The following ADCY5 variants were observed in gnomAD, a reference collection of about 807,000 sequenced individuals.
The protein encoded by ADCY5 is adenylate cyclase 5, also known as adenylate cyclase type 5.
In ADCY5, 30 loss-of-function variants were observed where a neutral mutation model predicts 119.7. The ratio of observed to expected loss-of-function variants is 0.25; its 90% CI spans 0.19 to 0.34. The LOEUF is 0.34. Among genes scored for constraint, ADCY5 ranks in the 10% least tolerant of loss-of-function variants. The probability of loss-of-function intolerance (pLI) is 1.00; values close to 1 mark genes in which losing one functional copy is unlikely to be tolerated. For missense variants in ADCY5, 1,324 were observed against 1,775.2 expected, an observed-to-expected ratio of 0.75 and a Z score of 4.57; for synonymous variants, 753 against 762.2, an observed-to-expected ratio of 0.99 and a Z score of 0.20.
At chr3:123,358,068 C>T (rs901947141) in intron 1 of ADCY5, among the ~76,000 whole-genome samples, 27 of 152,154 alleles carry the variant, frequency 1.8e-4, no homozygotes, top group African/African-American at 6.3e-4. Context: ...CTTGAGGCTT[C>T]ACAACAGCAG....
At chr3:123,419,274 G>A (rs1316456710) in intron 1 of ADCY5, 3 of 934,644 alleles carry the variant, frequency 3.2e-6, no homozygotes, top group Non-Finnish European at 3.8e-6. Context: ...GGCCAGGGAA[G>A]TGCCGTCCGC....
intron 8 of ADCY5, among the ~76,000 whole-genome samples, chr3:123,324,755 G>A (rs1379585374): frequency 2.6e-5 from 4 of 152,188 alleles, no homozygotes; most frequent in South Asian, 4.1e-4. Flanking sequence ...TGGCCTCCCC[G>A]ACTTGCTCAG....
Position 123,300,236 on chromosome 3 carries a change from G to A in ADCY5, c.2784C>T (p.Ser928=), listed in dbSNP as rs749913290. Residue 928 remains serine, a synonymous_variant, in exon 15 of 21, where the codon AGC becomes AGT. Transcript: ENST00000462833. The part of the protein sequence containing the change: ...LLACSVFLQI[S]CIGKLVLMLA... ...GCATGAGCACCAGCTTCCCGATGCA[G>A]CTGATCTGCAGGAACACGGAGCAGG... The A allele has an allele frequency of 6.2e-6, 10 of 1,613,672 alleles. No individual in the cohort carries two copies. In the East Asian group the frequency reaches 2.2e-4, roughly 36 times the overall value.
Position 123,448,247 on chromosome 3 carries a change from T to C in ADCY5, c.299A>G (p.Lys100Arg). Reference protein sequence around the residue: ...AGGFGFSFRSKSAWQERGGDD... With the variant: ...AGGFGFSFRSRSAWQERGGDD... ...GCCGCCGCGCTCCTGCCAGGCGGACTTGGAGCGGAAGCTGAAGCCGAAGCC... is the reference window on the plus strand; with the variant it reads ...GCCGCCGCGCTCCTGCCAGGCGGACCTGGAGCGGAAGCTGAAGCCGAAGCC... The change falls in exon 1 of 21, where the codon AAG becomes AGG. Residue 100 changes from lysine to arginine, a missense_variant. Lys to Arg is a conservative substitution (Grantham distance 26, BLOSUM62 2). Transcript: ENST00000462833. The C allele has an allele frequency of 6.7e-7, 1 of 1,486,508 alleles. No individual in the cohort carries two copies. Among genetic ancestry groups the C allele is most frequent in the Non-Finnish European group, 8.9e-7 (1 of 1,124,804 alleles). The allele number at this position is 1,486,508 out of a possible 1,614,324, so 92.1% of individuals were successfully genotyped here. A position where few individuals can be genotyped will look rare whatever the true frequency, so the allele number is the denominator to read the frequency against.
intron 7 of ADCY5, among the ~76,000 whole-genome samples, chr3:123,326,775 T>C (rs1941510171): frequency 6.6e-6 from 1 of 152,152 alleles, no homozygotes; most frequent in African/African-American, 2.4e-5. Flanking sequence ...TACTGCATGG[T>C]AGGATAAGGT....
At chr3:123,367,183 G>A (rs576825886) in intron 1 of ADCY5, among the ~76,000 whole-genome samples, 41 of 152,302 alleles carry the variant, frequency 2.7e-4, no homozygotes, top group African/African-American at 9.4e-4. Context: ...GCCAGGCACC[G>A]GCCCCCACCT....
At position 123,447,758 on chromosome 3, in the gene ADCY5, C is replaced by A. The variant is rs1020610447; in HGVS notation, c.788G>T (p.Arg263Leu). 4 of 1,605,780 alleles carry A rather than the reference C, an allele frequency of 2.5e-6. No individual in the cohort carries two copies. Among genetic ancestry groups the A allele is most frequent in the Non-Finnish European group, 2.6e-6 (3 of 1,175,088 alleles). Residue 263 changes from arginine to leucine, a missense_variant, in exon 1 of 21, where the codon CGG (arginine) becomes CTG (leucine). Coordinates refer to ENST00000462833, the MANE Select transcript of ADCY5 (RefSeq NM_183357.3). ...CLVMLAFHAA[R>L]PPLQLPYLAV... ...CAGGTAGGGCAGCTGGAGCGGGGGC[C>A]GCGCCGCGTGGAAGGCCAACATGAC... is the stretch of plus-strand genomic sequence containing the variant.
At chr3:123,410,111 C>A (rs1945005450) in intron 1 of ADCY5, among the ~76,000 whole-genome samples, 1 of 152,212 alleles carries the variant, frequency 6.6e-6, no homozygotes, top group Admixed American at 6.5e-5. Flanking sequence ...TGGATCCGGT[C>A]AACCCAGTGA....
chr3:123,290,012 G>T (rs551970884), intron 18 of ADCY5, 58 bp from the exon 19 acceptor site: 5 of 1,566,104 alleles, frequency 3.2e-6, no homozygotes, highest in Non-Finnish European at 4.4e-6. Flanking sequence ...AGGGCCACAG[G>T]GAGGGACAGA....
chr3:123,311,920 G>A (rs1940609423), intron 12 of ADCY5, among the ~76,000 whole-genome samples: 1 of 152,002 alleles, frequency 6.6e-6, no homozygotes, highest in African/African-American at 2.4e-5. Flanking sequence ...TAAAAGAACT[G>A]AGAACTTGCT....
Position 123,289,730 on chromosome 3 carries a change from C to T in ADCY5, c.3532+20G>A. 2.5e-6 allele frequency: 4 copies of T among 1,611,844 alleles called. No individual in the cohort carries two copies. Among genetic ancestry groups the T allele is most frequent in the Non-Finnish European group, 2.5e-6 (3 of 1,179,100 alleles). On this transcript the variant is annotated intron_variant, in intron 19 of 20. Coordinates refer to ENST00000462833, the MANE Select transcript of ADCY5 (RefSeq NM_183357.3). ...GCCTGACTGCACCCTGGGCTCAGCA[C>T]TCCCTGGGCCCCCACTCACCGATCT...
intron 1 of ADCY5, among the ~76,000 whole-genome samples, chr3:123,446,716 C>A (rs1945821898): frequency 6.6e-6 from 1 of 152,194 alleles, no homozygotes; most frequent in South Asian, 2.1e-4. Flanking sequence ...GGGGCACCCA[C>A]TTGAAGGGGT....
intron 1 of ADCY5, among the ~76,000 whole-genome samples, chr3:123,396,341 AAGAAAAAGAG>A (rs1259813367): frequency 6.9e-6 from 1 of 145,512 alleles, no homozygotes; most frequent in Non-Finnish European, 1.5e-5. Context: ...AAGAAAAGAG[AAGAAAAAGAG>A]AGAGAAGGGA....
chr3:123,296,242 G>A (rs531784183), intron 16 of ADCY5, 26 bp from the exon 17 acceptor site: 19 of 1,609,638 alleles, frequency 1.2e-5, no homozygotes, highest in Non-Finnish European at 1.5e-5. Context: ...GGACAGGCCT[G>A]AGACGGCCGT....
intron 1 of ADCY5, among the ~76,000 whole-genome samples, chr3:123,438,865 G>A (rs1174327787): frequency 6.6e-6 from 1 of 151,952 alleles, no homozygotes; most frequent in Non-Finnish European, 1.5e-5. Flanking sequence ...TTCCACCTCA[G>A]CCTCCCAGGT....
At chr3:123,444,245 G>A (rs758754681) in intron 1 of ADCY5, among the ~76,000 whole-genome samples, 5 of 152,108 alleles carry the variant, frequency 3.3e-5, no homozygotes, top group Admixed American at 6.5e-5. Context: ...AAACAACCCC[G>A]TGACGCTCCT....
At position 123,447,763 on chromosome 3, in the gene ADCY5, C is replaced by T; in HGVS notation, c.783G>A (p.Ala261=). ...LVCLVMLAFH[A]ARPPLQLPYL... The stretch of plus-strand genomic sequence containing the variant: ...AGGGCAGCTGGAGCGGGGGCCGCGC[C>T]GCGTGGAAGGCCAACATGACCAGGC... The change falls in exon 1 of 21, where the codon GCG becomes GCA. Residue 261 remains alanine (A), a synonymous_variant. Coordinates refer to ENST00000462833, the MANE Select transcript of ADCY5 (RefSeq NM_183357.3). The T allele has an allele frequency of 1.2e-6, 2 of 1,607,764 alleles. No homozygotes were observed. Among genetic ancestry groups the T allele is most frequent in the Non-Finnish European group, 1.7e-6 (2 of 1,176,456 alleles).
At position 123,286,834 on chromosome 3, in the gene ADCY5, A is replaced by G. The variant is rs943468765; in HGVS notation, c.3533-25T>C. 1 of 1,572,128 alleles carries G rather than the reference A, an allele frequency of 6.4e-7. No homozygotes were observed. The highest frequency in any genetic ancestry group is 8.6e-7 in the Non-Finnish European group (1 of 1,161,376). On this transcript the variant is annotated intron_variant, in intron 19 of 20. Transcript: ENST00000462833. The surrounding 1 kb of genome is among the most constrained non-coding windows in gnomAD (Gnocchi z 4.2). ...CCTGCAGGGGACAGGAATCAGCCAC[A>G]GTCATCACATCTCTGGCTTGACCTT...
At chr3:123,440,238 A>G (rs1213578010) in intron 1 of ADCY5, among the ~76,000 whole-genome samples, 2 of 152,166 alleles carry the variant, frequency 1.3e-5, no homozygotes, top group Non-Finnish European at 2.9e-5. Context: ...GTGGGACCTC[A>G]GTGAGTTCTG....
Sources: gnomAD v4.1 joint callset for allele counts (sites outside exome capture counted in the v4.1 genomes callset) on GRCh38, gnomAD v4.1.1 for gene constraint, Gnocchi (gnomAD v3.1) non-coding constraint, MANE v1.5 for transcripts, NCBI Gene and HGNC (gene_info 2026-07-23, HGNC 2026-07-21) for gene names.